CACNG1: variants seen among roughly 807,000 people sequenced by gnomAD.
The protein encoded by CACNG1 is calcium voltage-gated channel auxiliary subunit gamma 1.
Under a neutral mutation model 22.0 loss-of-function variants are expected in CACNG1, and 21 were observed. The observed-to-expected ratio is 0.95, with a 90% CI of 0.68 to 1.37. The LOEUF (loss-of-function observed/expected upper bound fraction) is 1.37. CACNG1 is among the 40% of genes most tolerant of loss of function. The pLI, the probability that CACNG1 is intolerant of heterozygous loss-of-function variation, is 0.00. For missense variants in CACNG1, 291 were observed against 308.6 expected (o/e 0.94, Z 0.43); for synonymous variants, 127 against 129.2 (o/e 0.98, Z 0.12).
rs968109408 is a variant in CACNG1 at position 67,054,087 on chromosome 17, A to T, written c.304+17A>T. 6.2e-7 allele frequency: 1 copy of T among 1,610,764 alleles called. No individual in the cohort carries two copies. Among genetic ancestry groups the T allele is most frequent in the Admixed American group, 1.7e-5 (1 of 60,018 alleles). The stretch of plus-strand genomic sequence containing the variant: ...CTCAGAAGGGTGAGCCTGGGTGGAA[A>T]GGGGTCTGGGGTGACAAGAGGGGAC... On this transcript the variant is annotated intron_variant, in intron 2 of 3. Transcript: ENST00000226021. The surrounding 1 kb of genome is among the most constrained non-coding windows in gnomAD (Gnocchi z 4.6).
In CACNG1 at chr17:67,056,064, G is replaced by T; in HGVS notation, c.462G>T (p.Ser154=). Residue 154 remains serine (S), a synonymous_variant, in exon 4 of 4, where the codon TCG becomes TCT. Transcript: ENST00000226021. This position sits in a 1 kb window ranked among gnomAD's most constrained non-coding sequence, Gnocchi z 4.3. ...CCCCAGGTCTCTGCATCCTCGTCTC[G>T]GTGGAGGTCATGCGGCAGTCGGTGA... ...YAFAGLCILV[S]VEVMRQSVKR... 6.2e-7 allele frequency: 1 copy of T among 1,612,076 alleles called. No homozygotes were observed.
intron 1 of CACNG1, among the ~76,000 whole-genome samples, chr17:67,048,566 G>A (rs1598138780): frequency 6.6e-6 from 1 of 152,194 alleles, no homozygotes; most frequent in East Asian, 1.9e-4. Flanking sequence ...CATACATGGG[G>A]CAGGGAGAAG....
chr17:67,050,775 A>T (rs1298602264), intron 1 of CACNG1, among the ~76,000 whole-genome samples: 1 of 152,226 alleles, frequency 6.6e-6, no homozygotes, highest in Non-Finnish European at 1.5e-5. Context: ...TAACCAGAAC[A>T]CTGGGTTAGC....
rs2035762595 is a variant in CACNG1 at position 67,056,406 on chromosome 17, C to A, written c.*135C>A. The A allele has an allele frequency of 2.8e-6, 2 of 705,528 alleles. No homozygotes were observed. The highest frequency in any genetic ancestry group is 5.5e-5 in the Admixed American group (2 of 36,662). 43.7% of individuals were successfully genotyped at this position (705,528 alleles called of 1,614,324 possible). Reference sequence around the variant, plus strand: ...TCTGCCCCCCTGCAACAGTCGCAGGCTGCTTCCTCTCTCTGAGTTCCTCTG... The same window carrying A: ...TCTGCCCCCCTGCAACAGTCGCAGGATGCTTCCTCTCTCTGAGTTCCTCTG... On this transcript the variant is annotated 3_prime_UTR_variant, in exon 4 of 4. Coordinates refer to ENST00000226021, the MANE Select transcript of CACNG1 (RefSeq NM_000727.4). The surrounding 1 kb of genome is among the most constrained non-coding windows in gnomAD (Gnocchi z 4.3).
intron 1 of CACNG1, 131 bp downstream of exon 1, chr17:67,045,020 C>A: frequency 2.8e-6 from 2 of 715,876 alleles, no homozygotes; most frequent in Admixed American, 4.7e-5. Context: ...CCTTTTCTGC[C>A]CAGGGAAGAA....
Position 67,055,251 on chromosome 17 carries a change from G to A in CACNG1, c.442+11G>A. 6.2e-7 allele frequency: 1 copy of A among 1,608,548 alleles called. No individual in the cohort carries two copies. Reference sequence around the variant, plus strand: ...TCTATGCCTTTGCAGGTAGACTGGGGGATCTGCCTGAGCGCCGGGGCCGGG... The same window carrying A: ...TCTATGCCTTTGCAGGTAGACTGGGAGATCTGCCTGAGCGCCGGGGCCGGG... On this transcript the variant is annotated intron_variant, in intron 3 of 3. Transcript: ENST00000226021. The surrounding 1 kb of genome is among the most constrained non-coding windows in gnomAD (Gnocchi z 4.5).
chr17:67,051,525 C>T lies in CACNG1; in HGVS notation c.230-2471C>T, dbSNP rs115989417. ...AGAGGTCAGCCCATCAGTCCTCAGG[C>T]CCCCAGTTCAGCCATGTAAGAGTGA... On this transcript the variant is annotated intron_variant, in intron 1 of 3. Transcript: ENST00000226021. Among the ~76,000 whole-genome samples the T allele has an allele frequency of 3.7e-3, 566 of 152,290 alleles. 3 individuals are homozygous for T. The highest frequency in any genetic ancestry group is 0.013 in the African/African-American group (526 of 41,552).
At position 67,053,939 on chromosome 17, in the gene CACNG1, C is replaced by T. The variant is rs151274817; in HGVS notation, c.230-57C>T. ...AATGACACCACGCTCTCTGCCAGGC[C>T]TCTGTCCTTGCTACGGGTTGCTCCC... On this transcript the variant is annotated intron_variant, in intron 1 of 3. Transcript: ENST00000226021. 2.9e-4 allele frequency: 386 copies of T among 1,323,430 alleles called. 1 individual carries two copies. In the East Asian group the frequency reaches 8.0e-3, roughly 28 times the overall value. 82.0% of individuals were successfully genotyped at this position (1,323,430 alleles called of 1,614,324 possible).
chr17:67,049,013 T>C (rs529793923), intron 1 of CACNG1, among the ~76,000 whole-genome samples: 108 of 152,278 alleles, frequency 7.1e-4, no homozygotes, highest in African/African-American at 2.5e-3. Context: ...TGAAAAATAA[T>C]GTCCAAAAGC....
intron 1 of CACNG1, among the ~76,000 whole-genome samples, chr17:67,053,077 G>A (rs796603465): frequency 5.3e-5 from 8 of 152,254 alleles, no homozygotes; most frequent in Admixed American, 3.3e-4. Flanking sequence ...TCAGATTTGC[G>A]TTCCTACTGC....
intron 1 of CACNG1, among the ~76,000 whole-genome samples, chr17:67,047,262 T>C (rs1357334294): frequency 2.0e-5 from 3 of 152,166 alleles, no homozygotes; most frequent in South Asian, 4.1e-4. Context: ...TTCTCCATAA[T>C]AGTAATGAGA....
Position 67,054,952 on chromosome 17 carries a change from CAA to C in CACNG1, c.305-150_305-149del, listed in dbSNP as rs1567767361. The C allele has an allele frequency of 1.3e-6, 1 of 772,278 alleles. No individual in the cohort carries two copies. The highest frequency in any genetic ancestry group is 2.6e-5 in the East Asian group (1 of 38,134). The allele number at this position is 772,278 out of a possible 1,614,324, so 47.8% of individuals were successfully genotyped here. On this transcript the variant is annotated intron_variant, in intron 2 of 3. Coordinates refer to ENST00000226021, the MANE Select transcript of CACNG1 (RefSeq NM_000727.4). The surrounding 1 kb of genome is among the most constrained non-coding windows in gnomAD (Gnocchi z 4.6). ...AGATACACACATACAATGACACACA[CAA>C]GACAGACACAGAGACACACACTTGA...
intron 1 of CACNG1, among the ~76,000 whole-genome samples, chr17:67,047,224 G>A (rs1184787564): frequency 1.3e-5 from 2 of 152,120 alleles, no homozygotes; most frequent in African/African-American, 2.4e-5. Flanking sequence ...GAAAAAAAAT[G>A]ATAGAAAAAG....
intron 1 of CACNG1, among the ~76,000 whole-genome samples, chr17:67,052,380 G>A (rs1292217885): frequency 6.6e-6 from 1 of 152,206 alleles, no homozygotes; most frequent in Non-Finnish European, 1.5e-5. Flanking sequence ...CTGGCTCTGG[G>A]GGGAAGGAGG....
In CACNG1 at chr17:67,056,119, T is replaced by C. The variant is rs749974379; in HGVS notation, c.517T>C (p.Trp173Arg). The C allele has an allele frequency of 2.5e-6, 4 of 1,613,776 alleles. No individual in the cohort carries two copies. In the South Asian group the frequency reaches 3.3e-5, roughly 13 times the overall value. ...CATGATTGACAGTGAGGACACCGTC[T>C]GGATCGAGTACTATTACTCCTGGTC... is the stretch of plus-strand genomic sequence containing the variant. ...KRMIDSEDTVWIEYYYSWSFA... is the reference protein window; with the variant it reads ...KRMIDSEDTVRIEYYYSWSFA... Residue 173 changes from tryptophan to arginine, a missense_variant, in exon 4 of 4, where the codon TGG (tryptophan) becomes CGG (arginine). Coordinates refer to ENST00000226021, the MANE Select transcript of CACNG1 (RefSeq NM_000727.4). The surrounding 1 kb of genome is among the most constrained non-coding windows in gnomAD (Gnocchi z 4.3).
rs2035745200 is a variant in CACNG1, at chr17:67,054,260, A to G, written c.304+190A>G. On this transcript the variant is annotated intron_variant, in intron 2 of 3. Transcript: ENST00000226021. This position sits in a 1 kb window ranked among gnomAD's most constrained non-coding sequence, Gnocchi z 4.6. ...CCCCAGGCAGCCGCCTTCCATCTCCAGGGCCCGGAGCTTCCACACCTCGGG... is the reference window on the plus strand; with the variant it reads ...CCCCAGGCAGCCGCCTTCCATCTCCGGGGCCCGGAGCTTCCACACCTCGGG... 1.3e-5 allele frequency among the ~76,000 whole-genome samples: 2 copies of G among 152,150 alleles called. No individual in the cohort carries two copies. Among genetic ancestry groups the G allele is most frequent in the Non-Finnish European group, 2.9e-5 (2 of 68,010 alleles).
intron 1 of CACNG1, among the ~76,000 whole-genome samples, chr17:67,045,975 C>T (rs2035694700): frequency 6.6e-6 from 1 of 152,200 alleles, no homozygotes; most frequent in Non-Finnish European, 1.5e-5. Flanking sequence ...AGGTAAGGTC[C>T]TTTTCAGGAG....
At chr17:67,051,549 G>T (rs1391772438) in intron 1 of CACNG1, among the ~76,000 whole-genome samples, 1 of 152,198 alleles carries the variant, frequency 6.6e-6, no homozygotes, top group Admixed American at 6.5e-5. Flanking sequence ...ATGTAAGAGT[G>T]AAGCTGAGGC....
Position 67,054,316 on chromosome 17 carries a change from C to G in CACNG1, c.304+246C>G, listed in dbSNP as rs1354714896. Among the ~76,000 whole-genome samples the G allele has an allele frequency of 1.3e-5, 2 of 152,142 alleles. No homozygotes were observed. Among genetic ancestry groups the G allele is most frequent in the Non-Finnish European group, 2.9e-5 (2 of 68,008 alleles). ...GGAGCGTTTGCAGAAGCAGCACCTC[C>G]TGGTAGGCCCCTACACAAGGGCAGC... On this transcript the variant is annotated intron_variant, in intron 2 of 3. Transcript: ENST00000226021. This position sits in a 1 kb window ranked among gnomAD's most constrained non-coding sequence, Gnocchi z 4.6.
Sources: gnomAD v4.1 joint callset for allele counts (sites outside exome capture counted in the v4.1 genomes callset) on GRCh38, gnomAD v4.1.1 for gene constraint, Gnocchi (gnomAD v3.1) non-coding constraint, MANE v1.5 for transcripts, NCBI Gene and HGNC (gene_info 2026-07-23, HGNC 2026-07-21) for gene names.